The following CCDC136 variants were observed in gnomAD, a reference collection of about 807,000 sequenced individuals.
The protein encoded by CCDC136 is coiled-coil domain-containing protein 136.
A neutral mutation model predicts 141.2 loss-of-function variants in CCDC136; 100 were observed. That is an observed-to-expected ratio of 0.71 (90% CI 0.60 to 0.84). The LOEUF is 0.84. Ranked by LOEUF, CCDC136 falls within the 40% of genes least tolerant of loss-of-function variation. The pLI, the probability that CCDC136 is intolerant of heterozygous loss-of-function variation, is 0.00. For missense variants in CCDC136, 1,206 were observed against 1,379.4 expected (o/e 0.87, Z 1.99); for synonymous variants, 474 against 531.9 (o/e 0.89, Z 1.50).
chr7:128,818,017 T>C lies in CCDC136; in HGVS notation c.*5+153T>C. On this transcript the variant is annotated intron_variant, in intron 17 of 17. Coordinates refer to ENST00000297788, the MANE Select transcript of CCDC136 (RefSeq NM_022742.5). The stretch of plus-strand genomic sequence containing the variant: ...AGGTCTGAGTTTTAGTTCTGACTTT[T>C]CCTTGGGCTACTGCAAAGCCTCTGA... 1.9e-5 allele frequency: 12 copies of C among 631,998 alleles called. No individual in the cohort carries two copies. In the South Asian group the frequency reaches 2.1e-4, roughly 11 times the overall value. 39.1% of individuals were successfully genotyped at this position (631,998 alleles called of 1,614,324 possible).
chr7:128,809,070 T>C, intron 10 of CCDC136: 5 of 678,056 alleles, frequency 7.4e-6, no homozygotes, highest in Non-Finnish European at 9.2e-6. Context: ...CTGGGGTTAA[T>C]GAGAATAACA....
intron 17 of CCDC136, among the ~76,000 whole-genome samples, chr7:128,819,285 A>G (rs989955419): frequency 2.0e-5 from 3 of 152,242 alleles, no homozygotes; most frequent in Middle Eastern, 3.2e-3. Context: ...GGAGGCCCCA[A>G]CATGCACCTG....
rs550029621 is a variant in CCDC136, at chr7:128,814,626, C to T, written c.2764-12C>T. 2.6e-5 allele frequency: 40 copies of T among 1,528,584 alleles called. No individual in the cohort carries two copies. The highest frequency in any genetic ancestry group is 2.3e-4 in the Middle Eastern group (1 of 4,440). 94.7% of individuals were successfully genotyped at this position (1,528,584 alleles called of 1,614,324 possible). ...AGCCAACTCTGGGTAACTGGCCCTC[C>T]ACTACCAACAGATCAAAGAACTGCA... On this transcript the variant is annotated splice_polypyrimidine_tract_variant and intron_variant, in intron 14 of 17. Transcript: ENST00000297788.
chr7:128,791,677 C>G (rs1361049890), upstream of CCDC136: 18 of 610,078 alleles, frequency 3.0e-5, no homozygotes, highest in Non-Finnish European at 4.3e-5. This position sits in a 1 kb window ranked among gnomAD's most constrained non-coding sequence, Gnocchi z 7.1. Context: ...GTCTTCCTCC[C>G]TCCATCCTGG....
chr7:128,798,449 G>T (rs376077679), intron 3 of CCDC136, among the ~76,000 whole-genome samples: 1 of 151,596 alleles, frequency 6.6e-6, no homozygotes. Context: ...ATGGGGTTTC[G>T]CCATTTTGGC....
At position 128,794,444 on chromosome 7, in the gene CCDC136, G is replaced by A. The variant is rs143537881; in HGVS notation, c.113G>A (p.Gly38Asp). The stretch of plus-strand genomic sequence containing the variant: ...GAAGAAGAACAAGTGCAGAAAGGTG[G>A]CAGTGTTGGCTCTCTGTCAGTCAAC... Reference protein sequence around the residue: ...EEEEEQVQKGGSVGSLSVNKH... With the variant: ...EEEEEQVQKGDSVGSLSVNKH... The change falls in exon 2 of 18, where the codon GGC becomes GAC. Residue 38 changes from glycine (G) to aspartate (D), a missense_variant. Physicochemically the swap from Gly to Asp is moderately conservative, Grantham distance 94. Transcript: ENST00000297788. The surrounding 1 kb of genome is among the most constrained non-coding windows in gnomAD (Gnocchi z 4.3). 13,390 of 1,552,692 alleles carry A rather than the reference G, an allele frequency of 8.6e-3. 83 individuals are homozygous for A. The highest frequency in any genetic ancestry group is 0.011 in the Non-Finnish European group (12,412 of 1,147,394).
At chr7:128,813,022 G>C in intron 14 of CCDC136, 93 bp downstream of exon 14, 1 of 840,246 alleles carries the variant, frequency 1.2e-6, no homozygotes, top group Non-Finnish European at 1.9e-6. Context: ...GAGGGACAAA[G>C]CAGGGAGAAT....
upstream of CCDC136, chr7:128,791,746 G>T: frequency 2.4e-6 from 1 of 412,874 alleles, no homozygotes; most frequent in Non-Finnish European, 4.2e-6. This position sits in a 1 kb window ranked among gnomAD's most constrained non-coding sequence, Gnocchi z 7.1. Flanking sequence ...CCGCGCACCG[G>T]CCGCATCCTG....
At position 128,812,688 on chromosome 7, in the gene CCDC136, T is replaced by A. The variant is rs1195354795; in HGVS notation, c.2542-20T>A. The A allele has an allele frequency of 2.5e-6, 4 of 1,596,890 alleles. No individual in the cohort carries two copies. The highest frequency in any genetic ancestry group is 3.4e-6 in the Non-Finnish European group (4 of 1,169,702). ...TAGGTGCTCCTCAGGGTGCTATTGT[T>A]GCTCCCCCACCCCCCGCAGCGCTTT... is the stretch of plus-strand genomic sequence containing the variant. On this transcript the variant is annotated intron_variant, in intron 13 of 17. Transcript: ENST00000297788.
In CCDC136 at chr7:128,806,929, C is replaced by T. The variant is rs528964889; in HGVS notation, c.1419+71C>T. 3.4e-5 allele frequency: 50 copies of T among 1,465,352 alleles called. 1 individual carries two copies. Among genetic ancestry groups the T allele is most frequent in the African/African-American group, 2.4e-4 (17 of 70,978 alleles). The allele number at this position is 1,465,352 out of a possible 1,614,324, so 90.8% of individuals were successfully genotyped here. A position where few individuals can be genotyped will look rare whatever the true frequency, so the allele number is the denominator to read the frequency against. ...TGTGTGAGGGTGAGAGCACAGAGGA[C>T]GAGAGGGAATGGTAGGAGTGTGGAG... On this transcript the variant is annotated intron_variant, in intron 9 of 17. Transcript: ENST00000297788.
chr7:128,801,122 C>A, intron 3 of CCDC136, 64 bp from the exon 4 acceptor site: 2 of 1,213,848 alleles, frequency 1.6e-6, no homozygotes, highest in Non-Finnish European at 2.4e-6. Flanking sequence ...TAATTTTGTG[C>A]CTCTAGAACA....
intron 1 of CCDC136, 84 bp downstream of exon 1, chr7:128,792,511 T>C (rs1585040880): frequency 9.2e-7 from 1 of 1,087,234 alleles, no homozygotes; most frequent in Non-Finnish European, 1.3e-6. Flanking sequence ...CCCAGGCCTC[T>C]GAGCCAGGAC....
At chr7:128,813,164 GTT>G (rs1806051377) in intron 14 of CCDC136, among the ~76,000 whole-genome samples, 1 of 152,168 alleles carries the variant, frequency 6.6e-6, no homozygotes, top group African/African-American at 2.4e-5. Context: ...TGCCACTTCT[GTT>G]CTCTTTTGCT....
At chr7:128,793,167 A>G (rs1166927451) in intron 1 of CCDC136, among the ~76,000 whole-genome samples, 2 of 152,244 alleles carry the variant, frequency 1.3e-5, no homozygotes, top group Non-Finnish European at 2.9e-5. Flanking sequence ...CAAAGCAAAC[A>G]ATCACCATCC....
intron 3 of CCDC136, among the ~76,000 whole-genome samples, chr7:128,795,763 A>G (rs902075902): frequency 6.6e-6 from 1 of 152,140 alleles, no homozygotes; most frequent in Non-Finnish European, 1.5e-5. Flanking sequence ...GTCATTTCTT[A>G]TCTGTAAAAT....
chr7:128,796,759 T>TTTTA (rs1803061639), intron 3 of CCDC136, among the ~76,000 whole-genome samples: 1 of 128,430 alleles, frequency 7.8e-6, no homozygotes, highest in African/African-American at 3.1e-5. Context: ...TTTTTTTTTT[T>TTTTA]GAGACGGAGT....
chr7:128,812,677 G>A, intron 13 of CCDC136, 31 bp from the exon 14 acceptor site: 1 of 1,550,402 alleles, frequency 6.4e-7, no homozygotes, highest in Non-Finnish European at 8.8e-7. Flanking sequence ...TGCTCCTCAG[G>A]GTGCTATTGT....
chr7:128,821,306 A>G lies in CCDC136; in HGVS notation c.*6-493A>G, dbSNP rs539390901. 1.3e-5 allele frequency among the ~76,000 whole-genome samples: 2 copies of G among 152,298 alleles called. No individual in the cohort carries two copies. The highest frequency in any genetic ancestry group is 4.1e-4 in the South Asian group (2 of 4,828). ...ATTCTCTGTCAAAGTTTGTCTGCCT[A>G]AGAACCTCCTACTTACCTGCACTCC... On this transcript the variant is annotated intron_variant, in intron 17 of 17. Transcript: ENST00000297788. This position sits in a 1 kb window ranked among gnomAD's most constrained non-coding sequence, Gnocchi z 5.1.
At chr7:128,796,739 A>ATATATATATATATTTT in intron 3 of CCDC136, among the ~76,000 whole-genome samples, 17 of 113,370 alleles carry the variant, frequency 1.5e-4, no homozygotes, top group East Asian at 3.6e-4. Context: ...ATATATATAT[A>ATATATATATATATTTT]TTCTTTTTTT....
Sources: gnomAD v4.1 joint callset for allele counts (sites outside exome capture counted in the v4.1 genomes callset) on GRCh38, gnomAD v4.1.1 for gene constraint, Gnocchi (gnomAD v3.1) non-coding constraint, MANE v1.5 for transcripts, NCBI Gene and HGNC (gene_info 2026-07-23, HGNC 2026-07-21) for gene names.